NKAIN3: variants seen among roughly 807,000 people sequenced by gnomAD.
The protein encoded by NKAIN3 is sodium/potassium-transporting ATPase subunit beta-1-interacting protein 3.
Under a neutral mutation model 30.2 loss-of-function variants are expected in NKAIN3, and 25 were observed. The observed-to-expected ratio is 0.83, with a 90% CI of 0.60 to 1.16. NKAIN3 has a LOEUF of 1.16. Among genes scored for constraint, NKAIN3 ranks in the 50% most tolerant of loss-of-function variants. The pLI is 0.00. For synonymous variants in NKAIN3, 91 were observed against 89.6 expected (o/e 1.02, Z -0.09); for missense variants, 225 against 254.1 (o/e 0.89, Z 0.78).
chr8:62,368,365 G>T (rs1816801953), intron 1 of NKAIN3, among the ~76,000 whole-genome samples: 1 of 152,218 alleles, frequency 6.6e-6, no homozygotes, highest in East Asian at 1.9e-4. Flanking sequence ...TACAACAGTA[G>T]ACAGAATAGA....
intron 3 of NKAIN3, among the ~76,000 whole-genome samples, chr8:62,613,119 G>T (rs1811344327): frequency 1.3e-5 from 2 of 151,952 alleles, no homozygotes; most frequent in Non-Finnish European, 2.9e-5. Context: ...AGTGAGTTTT[G>T]TTCCTTCAGG....
chr8:62,565,712 A>G (rs1306228645), intron 1 of NKAIN3, among the ~76,000 whole-genome samples: 1 of 152,158 alleles, frequency 6.6e-6, no homozygotes, highest in African/African-American at 2.4e-5. Context: ...TGTTGGGGTT[A>G]TGTCCTGATA....
chr8:62,770,836 C>G (rs562446818), intron 4 of NKAIN3, among the ~76,000 whole-genome samples: 1 of 148,808 alleles, frequency 6.7e-6, no homozygotes, highest in South Asian at 2.1e-4. Flanking sequence ...CAAGATTAAA[C>G]CTAGAAAATT....
intron 1 of NKAIN3, among the ~76,000 whole-genome samples, chr8:62,562,328 G>GT (rs1194755167): frequency 6.6e-6 from 1 of 152,132 alleles, no homozygotes; most frequent in Non-Finnish European, 1.5e-5. Context: ...ATGTTGAAGA[G>GT]TAAAAACACC....
intron 1 of NKAIN3, among the ~76,000 whole-genome samples, chr8:62,570,748 A>G (rs1277902086): frequency 6.6e-6 from 1 of 152,068 alleles, no homozygotes; most frequent in South Asian, 2.1e-4. Context: ...GGTCCCTCCA[A>G]ATCTCATCAC....
At chr8:62,700,290 G>T (rs148489451) in intron 3 of NKAIN3, among the ~76,000 whole-genome samples, 71 of 152,302 alleles carry the variant, frequency 4.7e-4, no homozygotes, top group African/African-American at 1.1e-3. Context: ...ACAATTCAGA[G>T]AAGTTACACA....
intron 1 of NKAIN3, among the ~76,000 whole-genome samples, chr8:62,305,797 G>A (rs1453440211): frequency 1.3e-5 from 2 of 150,396 alleles, no homozygotes; most frequent in Non-Finnish European, 2.9e-5. Context: ...TTGGGTATGT[G>A]TCGTTAGGAC....
At chr8:62,448,214 A>T (rs1016939318) in intron 1 of NKAIN3, among the ~76,000 whole-genome samples, 3 of 151,826 alleles carry the variant, frequency 2.0e-5, no homozygotes, top group Non-Finnish European at 4.4e-5. Flanking sequence ...CCCCATAAAG[A>T]AGCAAATTAG....
intron 1 of NKAIN3, among the ~76,000 whole-genome samples, chr8:62,295,798 T>C (rs1486587334): frequency 1.3e-5 from 2 of 151,842 alleles, no homozygotes; most frequent in African/African-American, 4.8e-5. Flanking sequence ...TAATTAATTA[T>C]ATTTGTTTGT....
intron 1 of NKAIN3, among the ~76,000 whole-genome samples, chr8:62,504,429 A>G (rs1807569477): frequency 6.6e-6 from 1 of 152,134 alleles, no homozygotes; most frequent in Non-Finnish European, 1.5e-5. Flanking sequence ...TTGCATTCCT[A>G]TTCCTTTAAT....
Position 62,852,275 on chromosome 8 carries a change from A to G in NKAIN3, c.472-66178A>G, listed in dbSNP as rs541257063. 3.1e-3 allele frequency among the ~76,000 whole-genome samples: 467 copies of G among 151,944 alleles called. 1 individual carries two copies. Among genetic ancestry groups the G allele is most frequent in the Middle Eastern group, 0.01 (3 of 294 alleles). The stretch of plus-strand genomic sequence containing the variant: ...TTTATAGTATCTCTGATGGTAGTTT[A>G]TATTTCTGTGGGATCGGTGGTGATA... On this transcript the variant is annotated intron_variant, in intron 4 of 6. Transcript: ENST00000623646.
At chr8:62,497,509 C>T (rs551871658) in intron 1 of NKAIN3, among the ~76,000 whole-genome samples, 21 of 150,792 alleles carry the variant, frequency 1.4e-4, no homozygotes. Flanking sequence ...TTAGAATAAA[C>T]TGTTTCTAAG....
rs1020317253 is a variant in NKAIN3 at position 62,912,166 on chromosome 8, T to A, written c.472-6287T>A. On this transcript the variant is annotated intron_variant, in intron 4 of 6. Transcript: ENST00000623646. Reference sequence around the variant, plus strand: ...TGTAACACAATGGTAAGTATTTATGTATCTAAATATATCTAAATATAGAAG... The same window carrying A: ...TGTAACACAATGGTAAGTATTTATGAATCTAAATATATCTAAATATAGAAG... Among the ~76,000 whole-genome samples, 3 of 152,210 alleles carry A rather than the reference T, an allele frequency of 2.0e-5. No homozygotes were observed. In the East Asian group the frequency reaches 5.8e-4, roughly 29 times the overall value.
chr8:62,717,553 A>G (rs928948296), intron 3 of NKAIN3, among the ~76,000 whole-genome samples: 1 of 151,986 alleles, frequency 6.6e-6, no homozygotes, highest in Non-Finnish European at 1.5e-5. Context: ...AGCTAATTTG[A>G]TCAAGTGCTA....
intron 1 of NKAIN3, among the ~76,000 whole-genome samples, chr8:62,451,232 C>G (rs142934785): frequency 1.3e-5 from 2 of 151,572 alleles, no homozygotes; most frequent in Middle Eastern, 3.4e-3. Flanking sequence ...TCTCTTTTCT[C>G]TTCTCTTCTC....
At chr8:62,847,889 C>A (rs945398336) in intron 4 of NKAIN3, among the ~76,000 whole-genome samples, 7 of 152,138 alleles carry the variant, frequency 4.6e-5, no homozygotes, top group African/African-American at 1.7e-4. Flanking sequence ...TTTTAATTTT[C>A]TGCATATGGC....
At chr8:62,851,786 T>C (rs537326056) in intron 4 of NKAIN3, among the ~76,000 whole-genome samples, 36 of 152,362 alleles carry the variant, frequency 2.4e-4, no homozygotes, top group Middle Eastern at 6.8e-3. Context: ...TGAACCAGCC[T>C]TGCATCCCAA....
intron 1 of NKAIN3, among the ~76,000 whole-genome samples, chr8:62,511,093 T>C (rs919075246): frequency 3.9e-5 from 6 of 152,150 alleles, no homozygotes; most frequent in African/African-American, 1.4e-4. Flanking sequence ...CTGCCTTGGA[T>C]CTGCCTCCCC....
chr8:62,427,375 T>C (rs141449929), intron 1 of NKAIN3, among the ~76,000 whole-genome samples: 161 of 152,150 alleles, frequency 1.1e-3, no homozygotes, highest in African/African-American at 3.8e-3. Context: ...GAGGCTATGA[T>C]GTGGACTCAG....
Sources: gnomAD v4.1 joint callset for allele counts (sites outside exome capture counted in the v4.1 genomes callset) on GRCh38, gnomAD v4.1.1 for gene constraint, MANE v1.5 for transcripts, NCBI Gene and HGNC (gene_info 2026-07-23, HGNC 2026-07-21) for gene names.